ARPC4: variants seen among roughly 807,000 people sequenced by gnomAD.
ARPC4 encodes the protein actin-related protein 2/3 complex subunit 4.
Under a neutral mutation model 22.8 loss-of-function variants are expected in ARPC4, and 3 were observed. The observed-to-expected ratio is 0.13, with a 90% CI of 0.06 to 0.34. The LOEUF is 0.34. Among genes scored for constraint, ARPC4 ranks in the 10% least tolerant of loss-of-function variants. The probability of loss-of-function intolerance (pLI) is 1.00; values close to 1 mark genes in which losing one functional copy is unlikely to be tolerated. For missense variants in ARPC4, 98 were observed against 211.0 expected, an observed-to-expected ratio of 0.46 and a Z score of 3.32; for synonymous variants, 80 against 72.5, an observed-to-expected ratio of 1.10 and a Z score of -0.52.
At chr3:9,804,126 C>G (rs1003553213) in intron 5 of ARPC4, 113 bp downstream of exon 5, 31 of 1,216,062 alleles carry the variant, frequency 2.5e-5, no homozygotes, top group Non-Finnish European at 3.3e-5. Flanking sequence ...ATCTCCTGAG[C>G]TCTCTAGGAC....
chr3:9,800,446 C>T lies in ARPC4; in HGVS notation c.234+150C>T, dbSNP rs183410242. ...GCCTCTGCTTCCTTTTTTTTTGACA[C>T]GGATTCTCACTCTTGTCGCCCAGGC... is the stretch of plus-strand genomic sequence containing the variant. On this transcript the variant is annotated intron_variant, in intron 3 of 5. Transcript: ENST00000397261. The T allele has an allele frequency of 3.1e-5, 22 of 704,362 alleles. No homozygotes were observed. In the Middle Eastern group the frequency reaches 2.0e-3, roughly 66 times the overall value. 43.6% of individuals were successfully genotyped at this position (704,362 alleles called of 1,614,324 possible).
chr3:9,792,726 G>T (rs778335537), upstream of ARPC4: 1 of 1,236,154 alleles, frequency 8.1e-7, no homozygotes. Flanking sequence ...CGAGAGAAAG[G>T]ATGGGGGTAC....
chr3:9,801,636 A>G, intron 3 of ARPC4, 25 bp from the exon 4 acceptor site: 1 of 1,582,226 alleles, frequency 6.3e-7, no homozygotes, highest in Non-Finnish European at 8.6e-7. Context: ...GCTTTAGAGA[A>G]ACATTTCTCT....
rs2079107822 is a variant in ARPC4, at chr3:9,806,442, C to T, written c.*227C>T. 8.3e-6 allele frequency: 5 copies of T among 604,728 alleles called. No individual in the cohort carries two copies. In the South Asian group the frequency reaches 9.7e-5, roughly 12 times the overall value. The allele number at this position is 604,728 out of a possible 1,614,324, so 37.5% of individuals were successfully genotyped here. On this transcript the variant is annotated 3_prime_UTR_variant, in exon 6 of 6. Transcript: ENST00000397261. Reference sequence around the variant, plus strand: ...AGGCTGGCTTCTGATGTTCAGTCCCCTGGGCCGGGACAGATTTTTTTTAAC... The same window carrying T: ...AGGCTGGCTTCTGATGTTCAGTCCCTTGGGCCGGGACAGATTTTTTTTAAC...
At position 9,802,114 on chromosome 3, in the gene ARPC4, C is replaced by T. The variant is rs112117465; in HGVS notation, c.330+358C>T. Among the ~76,000 whole-genome samples the T allele has an allele frequency of 2.0e-3, 306 of 151,280 alleles. 2 individuals are homozygous for T. The highest frequency in any genetic ancestry group is 6.9e-3 in the African/African-American group (286 of 41,260). ...ATTAGCTGGGCATGGTGGTGGGCGC[C>T]TGTAATCCTAGCTACTCAGGAGGCT... On this transcript the variant is annotated intron_variant, in intron 4 of 5. Transcript: ENST00000397261.
rs1241458167 is a variant in ARPC4 at position 9,803,885 on chromosome 3, C to G, written c.373C>G (p.Gln125Glu). ...TCTGATCACCAACTTCCACACAGAG[C>G]AGATGTACAAACACAAGTTGGTGGA... ...SFLITNFHTE[Q>E]MYKHKLVDFV... is the part of the protein sequence containing the mutation. The change falls in exon 5 of 6, where the codon CAG becomes GAG. Residue 125 changes from glutamine (Q) to glutamate (E), a missense_variant. Coordinates refer to ENST00000397261, the MANE Select transcript of ARPC4 (RefSeq NM_005718.5). 2 of 1,614,220 alleles carry G rather than the reference C, an allele frequency of 1.2e-6. No individual in the cohort carries two copies. Among genetic ancestry groups the G allele is most frequent in the Non-Finnish European group, 1.7e-6 (2 of 1,180,034 alleles).
chr3:9,800,423 C>T, intron 3 of ARPC4, 127 bp downstream of exon 3: 1 of 836,562 alleles, frequency 1.2e-6, no homozygotes, highest in Non-Finnish European at 1.8e-6. Context: ...GAAACCTAGC[C>T]TCTGCTTCCT....
Position 9,806,540 on chromosome 3 carries a change from A to G in ARPC4, c.*325A>G. 1.1e-5 allele frequency: 4 copies of G among 356,270 alleles called. No individual in the cohort carries two copies. Among genetic ancestry groups the G allele is most frequent in the South Asian group, 6.5e-5 (2 of 30,728 alleles). The allele number at this position is 356,270 out of a possible 1,614,324, so 22.1% of individuals were successfully genotyped here. A position where few individuals can be genotyped will look rare whatever the true frequency, so the allele number is the denominator to read the frequency against. ...TCTTTTTTTTTTTTTTTTTTTTTAA[A>G]CCTCCACCTCCAGTGGCTGTGACTG... On this transcript the variant is annotated 3_prime_UTR_variant, in exon 6 of 6. Transcript: ENST00000397261.
intron 1 of ARPC4, among the ~76,000 whole-genome samples, chr3:9,794,161 C>T (rs955626897): frequency 6.6e-6 from 1 of 152,174 alleles, no homozygotes; most frequent in African/African-American, 2.4e-5. Context: ...CATGAAAGGA[C>T]AGGCGTCACG....
intron 1 of ARPC4, 40 bp from the exon 2 acceptor site, chr3:9,797,619 A>G: frequency 6.3e-7 from 1 of 1,596,914 alleles, no homozygotes; most frequent in South Asian, 1.1e-5. Context: ...TTGGCGTGAC[A>G]GATTTTGATC....
intron 1 of ARPC4, among the ~76,000 whole-genome samples, 161 bp from the exon 2 acceptor site, chr3:9,797,498 T>C (rs4686371): frequency 0.22 from 33,627 of 152,104 alleles, 4,150 homozygotes; most frequent in East Asian, 0.56. Flanking sequence ...ACTCTACACC[T>C]TGGAAGGCGT....
upstream of ARPC4, chr3:9,793,047 CT>C (rs1365071434): frequency 2.4e-5 from 37 of 1,543,726 alleles, no homozygotes; most frequent in Admixed American, 3.4e-4. Context: ...CGTAGCTGCG[CT>C]TCTCGCGAAA....
At chr3:9,805,782 G>A (rs987136142) in intron 5 of ARPC4, among the ~76,000 whole-genome samples, 6 of 152,198 alleles carry the variant, frequency 3.9e-5, no homozygotes, top group African/African-American at 1.4e-4. Context: ...GCCTGGCTTG[G>A]TTGGAGGTTC....
intron 5 of ARPC4, 48 bp from the exon 6 acceptor site, chr3:9,806,162 A>C (rs764610050): frequency 4.3e-6 from 7 of 1,609,330 alleles, no homozygotes; most frequent in Non-Finnish European, 6.0e-6. Flanking sequence ...CAGTGCCACC[A>C]GGATGCAATA....
chr3:9,797,434 C>T (rs771475843), intron 1 of ARPC4, among the ~76,000 whole-genome samples: 20 of 152,152 alleles, frequency 1.3e-4, no homozygotes, highest in African/African-American at 2.9e-4. Context: ...GGAAATGTCT[C>T]GACATTACCA....
At chr3:9,801,791 A>C (rs1232734747) in intron 4 of ARPC4, 35 bp downstream of exon 4, 2 of 1,558,988 alleles carry the variant, frequency 1.3e-6, no homozygotes, top group Non-Finnish European at 8.7e-7. Flanking sequence ...TGCGATACCC[A>C]GGACCCTGTT....
intron 4 of ARPC4, among the ~76,000 whole-genome samples, chr3:9,802,170 G>A (rs11131188): frequency 0.027 from 3,946 of 147,044 alleles, 177 homozygotes; most frequent in African/African-American, 0.094. Flanking sequence ...CCTGGGAGGC[G>A]GAGGTTGTAG....
chr3:9,794,275 G>A (rs566131094), intron 1 of ARPC4, among the ~76,000 whole-genome samples: 44 of 152,154 alleles, frequency 2.9e-4, no homozygotes, highest in African/African-American at 9.2e-4. Context: ...AGAGGCGGGC[G>A]GATCACGACG....
intron 1 of ARPC4, 117 bp from the exon 2 acceptor site, chr3:9,797,542 G>A (rs767023246): frequency 2.0e-4 from 226 of 1,135,748 alleles, no homozygotes; most frequent in Non-Finnish European, 2.7e-4. Context: ...TCACAGTAGT[G>A]TCTTAAGAGC....
Sources: gnomAD v4.1 joint callset for allele counts (sites outside exome capture counted in the v4.1 genomes callset) on GRCh38, gnomAD v4.1.1 for gene constraint, MANE v1.5 for transcripts, NCBI Gene and HGNC (gene_info 2026-07-23, HGNC 2026-07-21) for gene names.